Variants in SPAG16 observed in about 807,000 individuals in gnomAD.
The protein encoded by SPAG16 is sperm associated antigen 16, also known as sperm-associated antigen 16 protein.
SPAG16 carries 86 observed loss-of-function variants against 80.4 expected under a neutral mutation model. The observed-to-expected ratio is 1.07, with a 90% CI of 0.90 to 1.28. SPAG16 has a LOEUF of 1.28. Among genes scored for constraint, SPAG16 ranks in the 50% most tolerant of loss-of-function variants. SPAG16 has a pLI of 0.00. For missense variants in SPAG16, 870 were observed against 765.3 expected, an observed-to-expected ratio of 1.14 and a Z score of -1.61; for synonymous variants, 294 against 265.9, an observed-to-expected ratio of 1.11 and a Z score of -1.03.
rs376358431 is a variant in SPAG16 at position 213,316,172 on chromosome 2, T to C, written c.399-1047T>C. On this transcript the variant is annotated intron_variant, in intron 4 of 15. Coordinates refer to ENST00000331683, the MANE Select transcript of SPAG16 (RefSeq NM_024532.5). ...CGAATGGAAACAATCCCTTGATTAC[T>C]CCAGCCACTCTGCTCCTCCTGCATT... Among the ~76,000 whole-genome samples the C allele has an allele frequency of 4.7e-4, 72 of 152,154 alleles. 2 individuals are homozygous for C. The South Asian group carries it at 0.014, about 30-fold the overall frequency.
At position 213,574,012 on chromosome 2, in the gene SPAG16, A is replaced by G. The variant is rs146967604; in HGVS notation, c.1070+83922A>G. ...ATTAATACATTTCTAATAAGTTGTC[A>G]GGTGATGCCTAAGCTGCTAGTACCC... On this transcript the variant is annotated intron_variant, in intron 10 of 15. Coordinates refer to ENST00000331683, the MANE Select transcript of SPAG16 (RefSeq NM_024532.5). Among the ~76,000 whole-genome samples, 120 of 152,330 alleles carry G rather than the reference A, an allele frequency of 7.9e-4. 2 individuals carry two copies. Among genetic ancestry groups the G allele is most frequent in the Middle Eastern group, 3.4e-3 (1 of 294 alleles).
At position 213,527,047 on chromosome 2, in the gene SPAG16, A is replaced by C. The variant is rs531688167; in HGVS notation, c.1070+36957A>C. On this transcript the variant is annotated intron_variant, in intron 10 of 15. Coordinates refer to ENST00000331683, the MANE Select transcript of SPAG16 (RefSeq NM_024532.5). Reference sequence around the variant, plus strand: ...CAATTTCAGCTAACCTCTGATTCTCACCCTTCCTCTCAGCTGTGCCTGGTA... The same window carrying C: ...CAATTTCAGCTAACCTCTGATTCTCCCCCTTCCTCTCAGCTGTGCCTGGTA... Among the ~76,000 whole-genome samples the C allele has an allele frequency of 2.0e-5, 3 of 152,234 alleles. No homozygotes were observed. The East Asian group carries it at 5.8e-4, about 29-fold the overall frequency.
At chr2:213,497,631 A>G (rs1054841395) in intron 10 of SPAG16, among the ~76,000 whole-genome samples, 5 of 152,088 alleles carry the variant, frequency 3.3e-5, no homozygotes, top group Non-Finnish European at 7.4e-5. Flanking sequence ...CTATATTAAT[A>G]ACCACAGTGA....
chr2:213,715,615 T>A (rs541862998), intron 10 of SPAG16, among the ~76,000 whole-genome samples: 3 of 152,170 alleles, frequency 2.0e-5, no homozygotes, highest in Admixed American at 2.0e-4. Context: ...ATGATTCTTG[T>A]GAAGAGATTA....
At chr2:213,697,517 A>G (rs2065209995) in intron 10 of SPAG16, among the ~76,000 whole-genome samples, 1 of 152,186 alleles carries the variant, frequency 6.6e-6, no homozygotes, top group African/African-American at 2.4e-5. Context: ...AAAAAATTGA[A>G]GATTTTGAGT....
chr2:213,683,998 A>G (rs1416154082), intron 10 of SPAG16, among the ~76,000 whole-genome samples: 2 of 152,170 alleles, frequency 1.3e-5, no homozygotes, highest in African/African-American at 2.4e-5. Flanking sequence ...TCTTTCTTCA[A>G]TTTTGTGGAT....
rs73989414 is a variant in SPAG16, at chr2:214,280,238, A to T, written c.1721-129902A>T. ...ATGCAGAAAAAAATAAAGAAGACAT[A>T]GAGAGCTATACTTGTTCATCAACAG... On this transcript the variant is annotated intron_variant, in intron 15 of 15. Coordinates refer to ENST00000331683, the MANE Select transcript of SPAG16 (RefSeq NM_024532.5). 2.6e-3 allele frequency among the ~76,000 whole-genome samples: 402 copies of T among 152,344 alleles called. 3 individuals are homozygous for T. The highest frequency in any genetic ancestry group is 8.5e-3 in the African/African-American group (352 of 41,576).
At chr2:214,188,531 CTATTTCTCTG>C (rs1231762074) in intron 15 of SPAG16, among the ~76,000 whole-genome samples, 1 of 152,146 alleles carries the variant, frequency 6.6e-6, no homozygotes, top group Non-Finnish European at 1.5e-5. Flanking sequence ...ATATCTGGAT[CTATTTCTCTG>C]TATTTCAAAA....
chr2:214,401,038 C>A (rs1701678275), intron 15 of SPAG16, among the ~76,000 whole-genome samples: 1 of 151,902 alleles, frequency 6.6e-6, no homozygotes, highest in Non-Finnish European at 1.5e-5. Context: ...AAGTTAAATT[C>A]GCAAGCAATA....
chr2:213,583,606 A>C (rs1263505141), intron 10 of SPAG16, among the ~76,000 whole-genome samples: 1 of 152,132 alleles, frequency 6.6e-6, no homozygotes, highest in African/African-American at 2.4e-5. Context: ...AGATATTGAC[A>C]TTTGGGGGGG....
chr2:213,903,633 G>A (rs1404112579), intron 11 of SPAG16, among the ~76,000 whole-genome samples: 1 of 152,250 alleles, frequency 6.6e-6, no homozygotes, highest in Non-Finnish European at 1.5e-5. Flanking sequence ...ACATGCCCTG[G>A]ACATATTGTC....
chr2:214,339,794 T>G (rs1559225621), intron 15 of SPAG16, among the ~76,000 whole-genome samples: 1 of 152,216 alleles, frequency 6.6e-6, no homozygotes, highest in Admixed American at 6.5e-5. Flanking sequence ...TGATGAGATA[T>G]TACTCTCTTG....
At chr2:213,490,168 A>G (rs2074177870) in intron 10 of SPAG16, 78 bp downstream of exon 10, 1 of 1,335,236 alleles carries the variant, frequency 7.5e-7, no homozygotes, top group South Asian at 1.6e-5. Context: ...ACAGCCATTC[A>G]TGGTTGAAAT....
chr2:213,986,891 CAAAAAAAA>C (rs369965944), intron 12 of SPAG16, among the ~76,000 whole-genome samples: 127 of 57,650 alleles, frequency 2.2e-3, no homozygotes, highest in African/African-American at 3.6e-3. Context: ...TCTGGTATAG[CAAAAAAAA>C]AAAAAAAAAA....
intron 5 of SPAG16, among the ~76,000 whole-genome samples, chr2:213,326,283 G>T (rs1184333667): frequency 1.3e-5 from 2 of 151,970 alleles, no homozygotes; most frequent in African/African-American, 4.8e-5. Context: ...AATTAAGGTG[G>T]TTTACTAAGG....
At chr2:214,220,784 A>G (rs1420956273) in intron 15 of SPAG16, among the ~76,000 whole-genome samples, 1 of 152,180 alleles carries the variant, frequency 6.6e-6, no homozygotes, top group Non-Finnish European at 1.5e-5. Context: ...TTAAAACGTA[A>G]TAAAATTAAC....
intron 10 of SPAG16, among the ~76,000 whole-genome samples, chr2:213,617,180 T>C (rs1376254947): frequency 6.6e-6 from 1 of 152,178 alleles, no homozygotes; most frequent in African/African-American, 2.4e-5. Flanking sequence ...AGTTTCACTA[T>C]TGATTGAAGC....
intron 12 of SPAG16, among the ~76,000 whole-genome samples, chr2:213,972,672 G>T (rs902814985): frequency 2.0e-5 from 3 of 151,948 alleles, no homozygotes; most frequent in Non-Finnish European, 4.4e-5. Flanking sequence ...CAGCTATCTG[G>T]GTATCTCATA....
chr2:213,533,634 A>T (rs958695259), intron 10 of SPAG16, among the ~76,000 whole-genome samples: 2 of 152,130 alleles, frequency 1.3e-5, no homozygotes, highest in African/African-American at 4.8e-5. Context: ...ATGTGGGATT[A>T]TTTCACCTGT....
Sources: gnomAD v4.1 joint callset for allele counts (sites outside exome capture counted in the v4.1 genomes callset) on GRCh38, gnomAD v4.1.1 for gene constraint, MANE v1.5 for transcripts, NCBI Gene and HGNC (gene_info 2026-07-23, HGNC 2026-07-21) for gene names.